Variants in SI observed in about 807,000 individuals in gnomAD.
SI encodes sucrase-isomaltase, intestinal.
In SI, 235 loss-of-function variants were observed where a neutral mutation model predicts 253.3. The observed-to-expected ratio is 0.93, with a 90% CI of 0.83 to 1.03. The LOEUF is 1.03. SI is among the 50% of genes least tolerant of loss of function. The probability of loss-of-function intolerance (pLI) is 0.00; values close to 1 mark genes in which losing one functional copy is unlikely to be tolerated. For synonymous variants in SI, 819 were observed against 712.0 expected, an observed-to-expected ratio of 1.15 and a Z score of -2.39; for missense variants, 2,442 against 2,211.1, an observed-to-expected ratio of 1.10 and a Z score of -2.09.
At chr3:165,072,841 C>T (rs1576925244) in intron 3 of SI, among the ~76,000 whole-genome samples, 1 of 96,324 alleles carries the variant, frequency 1.0e-5, no homozygotes, top group East Asian at 5.9e-4. Context: ...TCTTTAAAAT[C>T]ATTTTAAGTT....
At chr3:165,003,254 G>A (rs1251810306) in intron 37 of SI, among the ~76,000 whole-genome samples, 1 of 151,082 alleles carries the variant, frequency 6.6e-6, no homozygotes, top group Non-Finnish European at 1.5e-5. Context: ...TTCAATTTTT[G>A]TTAAGCTACA....
intron 22 of SI, among the ~76,000 whole-genome samples, chr3:165,036,031 G>A (rs1712511942): frequency 6.6e-6 from 1 of 151,640 alleles, no homozygotes. Context: ...TCTGTTTACA[G>A]TAACAAAATT....
Position 164,983,015 on chromosome 3 carries a change from A to C in SI, c.5234T>G (p.Phe1745Cys), listed in dbSNP as rs79717168. Residue 1745 changes from phenylalanine to cysteine, a missense_variant, in exon 46 of 48, where the codon TTT becomes TGT. Coordinates refer to ENST00000264382, the MANE Select transcript of SI (RefSeq NM_001041.4). ...YERDLYLSVQFNLNQTTLTST... is the reference protein window; with the variant it reads ...YERDLYLSVQCNLNQTTLTST... ...AATCTTACATACCTGGTTTAAATTA[A>C]ATTGTACAGATAAATATAGGTCTCT... 1.3e-3 allele frequency: 2,066 copies of C among 1,548,244 alleles called. 4 individuals carry two copies. Among genetic ancestry groups the C allele is most frequent in the Non-Finnish European group, 1.6e-3 (1,826 of 1,128,882 alleles).
intron 25 of SI, among the ~76,000 whole-genome samples, chr3:165,029,740 C>T (rs1319327389): frequency 1.3e-5 from 2 of 149,458 alleles, no homozygotes; most frequent in African/African-American, 4.9e-5. Context: ...CCCACCTGTC[C>T]TTTATATTCG....
chr3:164,999,440 A>G (rs1718163641), intron 37 of SI, among the ~76,000 whole-genome samples: 1 of 151,720 alleles, frequency 6.6e-6, no homozygotes, highest in Non-Finnish European at 1.5e-5. Context: ...GAGTATCAAT[A>G]AAGTTTTACT....
intron 46 of SI, 137 bp from the exon 47 acceptor site, chr3:164,982,547 T>C: frequency 1.4e-6 from 1 of 690,866 alleles, no homozygotes; most frequent in Non-Finnish European, 2.5e-6. Flanking sequence ...ATAAGGTATT[T>C]TACATAATAA....
chr3:165,000,116 C>T (rs966326943), intron 37 of SI, among the ~76,000 whole-genome samples: 1 of 151,154 alleles, frequency 6.6e-6, no homozygotes, highest in Non-Finnish European at 1.5e-5. Flanking sequence ...AGTTCATTTG[C>T]AAACAAAATT....
chr3:165,089,653 C>A, the SI span, among the ~76,000 whole-genome samples: 1 of 152,066 alleles, frequency 6.6e-6, no homozygotes, highest in African/African-American at 2.4e-5. Context: ...TTTGTGTGGA[C>A]CAGAATCAGC....
chr3:165,080,063 C>T (rs758859078), upstream of SI, among the ~76,000 whole-genome samples: 4 of 151,926 alleles, frequency 2.6e-5, no homozygotes, highest in South Asian at 2.1e-4. Flanking sequence ...TTTCCCCAAA[C>T]TGGAAACAAC....
chr3:164,990,988 A>AT (rs892863588), intron 44 of SI, among the ~76,000 whole-genome samples: 8 of 149,718 alleles, frequency 5.3e-5, no homozygotes, highest in South Asian at 4.2e-4. Context: ...AAAAGATAAT[A>AT]TTTTTTTTGA....
Position 165,074,451 on chromosome 3 carries a change from G to A in SI, c.255+80C>T, listed in dbSNP as rs191906053. On this transcript the variant is annotated intron_variant, in intron 3 of 47. Transcript: ENST00000264382. ...TTATGTCTAGATCTTTATTAAATAAGATCGATCCAATATTCAGCAATTATC... is the reference window on the plus strand; with the variant it reads ...TTATGTCTAGATCTTTATTAAATAAAATCGATCCAATATTCAGCAATTATC... 9.2e-5 allele frequency: 79 copies of A among 861,582 alleles called. No homozygotes were observed. The African/African-American group carries it at 1.2e-3, about 13-fold the overall frequency. The allele number at this position is 861,582 out of a possible 1,614,324, so 53.4% of individuals were successfully genotyped here.
chr3:164,983,812 A>T (rs6548381), intron 45 of SI, among the ~76,000 whole-genome samples: 37,263 of 151,624 alleles, frequency 0.25, 7,834 homozygotes, highest in African/African-American at 0.58. Context: ...AGGTTTGTCT[A>T]GAACTCCTAC....
At position 165,031,818 on chromosome 3, in the gene SI, C is replaced by A. The variant is rs1009065774; in HGVS notation, c.2736+704G>T. ...TCTTTTTTAATACATCAATCTACTA[C>A]CCAAAGCAACATTATGATTGAAATA... On this transcript the variant is annotated intron_variant, in intron 24 of 47. Coordinates refer to ENST00000264382, the MANE Select transcript of SI (RefSeq NM_001041.4). Among the ~76,000 whole-genome samples, 6 of 151,040 alleles carry A rather than the reference C, an allele frequency of 4.0e-5. No individual in the cohort carries two copies. In the South Asian group the frequency reaches 1.2e-3, roughly 31 times the overall value.
At chr3:164,995,696 T>C (rs942620047) in intron 40 of SI, among the ~76,000 whole-genome samples, 4 of 151,798 alleles carry the variant, frequency 2.6e-5, no homozygotes, top group African/African-American at 9.7e-5. Flanking sequence ...TCAGCTCTAG[T>C]ATTCCTTCAT....
At chr3:165,000,527 T>C (rs112176433) in intron 37 of SI, among the ~76,000 whole-genome samples, 5 of 151,654 alleles carry the variant, frequency 3.3e-5, no homozygotes, top group African/African-American at 1.2e-4. Flanking sequence ...GTATAATGTA[T>C]GAAAACATCA....
At chr3:165,017,440 A>T (rs1719091391) in intron 31 of SI, 108 bp downstream of exon 31, 1 of 1,066,352 alleles carries the variant, frequency 9.4e-7, no homozygotes, top group Non-Finnish European at 1.4e-6. Context: ...CAGTAAAAAA[A>T]GCTAAGCATT....
chr3:164,982,742 C>T (rs1223852151), intron 46 of SI, among the ~76,000 whole-genome samples: 2 of 152,078 alleles, frequency 1.3e-5, no homozygotes, highest in African/African-American at 4.8e-5. Context: ...ACTGCCATCT[C>T]GAACTCCTAG....
At position 165,030,877 on chromosome 3, in the gene SI, C is replaced by CAAAAAAAAAAAAAGAAAAAAAA; in HGVS notation, c.2737-11_2737-10insTTTTTTTTCTTTTTTTTTTTTT. The CAAAAAAAAAAAAAGAAAAAAAA allele has an allele frequency of 8.2e-7, 1 of 1,213,840 alleles. No homozygotes were observed. Among genetic ancestry groups the CAAAAAAAAAAAAAGAAAAAAAA allele is most frequent in the South Asian group, 1.9e-5 (1 of 52,062 alleles). 75.2% of individuals were successfully genotyped at this position (1,213,840 alleles called of 1,614,324 possible). On this transcript the variant is annotated splice_polypyrimidine_tract_variant and intron_variant, in intron 24 of 47. Transcript: ENST00000264382. ...CTGCAATTAGGAGAACCTTTGAAGA[C>CAAAAAAAAAAAAAGAAAAAAAA]AAAAAAAAAAAAAGAAAAAAAGAAA... is the stretch of plus-strand genomic sequence containing the variant.
At chr3:165,037,402 T>C (rs1482000889) in intron 21 of SI, among the ~76,000 whole-genome samples, 1 of 151,888 alleles carries the variant, frequency 6.6e-6, no homozygotes, top group Non-Finnish European at 1.5e-5. Flanking sequence ...GTTTCTTTTA[T>C]TTTTAGAAAA....
Sources: gnomAD v4.1 joint callset for allele counts (sites outside exome capture counted in the v4.1 genomes callset) on GRCh38, gnomAD v4.1.1 for gene constraint, MANE v1.5 for transcripts, NCBI Gene and HGNC (gene_info 2026-07-23, HGNC 2026-07-21) for gene names.